RPS6KC1: variants seen among roughly 807,000 people sequenced by gnomAD.
RPS6KC1 encodes the protein ribosomal protein S6 kinase C1.
In RPS6KC1, 54 loss-of-function variants were observed where a neutral mutation model predicts 103.8. That is an observed-to-expected ratio of 0.52 (90% CI 0.42 to 0.65). RPS6KC1 has a LOEUF of 0.65. Among genes scored for constraint, RPS6KC1 ranks in the 30% least tolerant of loss-of-function variants. RPS6KC1 has a pLI of 0.00. For missense variants in RPS6KC1, 1,151 were observed against 1,253.8 expected (o/e 0.92, Z 1.24); for synonymous variants, 439 against 438.7 (o/e 1.00, Z -0.01).
chr1:213,764,958 G>A, the RPS6KC1 span, among the ~76,000 whole-genome samples: 1 of 152,186 alleles, frequency 6.6e-6, no homozygotes, highest in Non-Finnish European at 1.5e-5. Flanking sequence ...GGGGGCAGGG[G>A]TGGGGTGTCT....
chr1:213,412,604 G>C, the RPS6KC1 span, among the ~76,000 whole-genome samples: 72 of 152,374 alleles, frequency 4.7e-4, no homozygotes, highest in African/African-American at 1.6e-3. Context: ...TTGATGCACA[G>C]GCAAGTGATG....
the RPS6KC1 span, among the ~76,000 whole-genome samples, chr1:213,414,237 T>C: frequency 7.2e-6 from 1 of 138,930 alleles, no homozygotes; most frequent in Non-Finnish European, 1.6e-5. Flanking sequence ...ACCAAGTTCA[T>C]CTCTTGCTGT....
At chr1:213,752,462 C>T in the RPS6KC1 span, among the ~76,000 whole-genome samples, 6 of 152,154 alleles carry the variant, frequency 3.9e-5, no homozygotes, top group African/African-American at 1.2e-4. Flanking sequence ...TTAACCTAGT[C>T]ATAAACTAAC....
At chr1:213,333,522 T>G in the RPS6KC1 span, among the ~76,000 whole-genome samples, 1 of 152,204 alleles carries the variant, frequency 6.6e-6, no homozygotes, top group African/African-American at 2.4e-5. Flanking sequence ...TGCGAGGTGC[T>G]CAGGGTCAGG....
the RPS6KC1 span, among the ~76,000 whole-genome samples, chr1:213,493,312 A>G: frequency 1.3e-5 from 2 of 152,220 alleles, no homozygotes; most frequent in African/African-American, 4.8e-5. Context: ...TGAGCTTTCT[A>G]TATTGGCCAA....
chr1:213,515,012 CTG>C, the RPS6KC1 span, among the ~76,000 whole-genome samples: 275 of 152,288 alleles, frequency 1.8e-3, 2 homozygotes, highest in African/African-American at 6.2e-3. Context: ...TGTCTTTTGG[CTG>C]CATAAATGTC....
At chr1:213,152,544 C>T (rs1210185271) in intron 6 of RPS6KC1, among the ~76,000 whole-genome samples, 1 of 149,652 alleles carries the variant, frequency 6.7e-6, no homozygotes, top group Non-Finnish European at 1.5e-5. Context: ...GGTAGAGATG[C>T]TCCTCACCTC....
chr1:213,284,999 T>C, the RPS6KC1 span, among the ~76,000 whole-genome samples: 1 of 152,230 alleles, frequency 6.6e-6, no homozygotes, highest in Admixed American at 6.5e-5. Flanking sequence ...GCACATGTGG[T>C]TATCAACATG....
the RPS6KC1 span, among the ~76,000 whole-genome samples, chr1:213,461,793 C>T: frequency 4.6e-5 from 7 of 152,198 alleles, no homozygotes; most frequent in South Asian, 4.1e-4. Context: ...AAGACTTAAA[C>T]GTAAGACCTG....
chr1:213,465,345 A>AT, the RPS6KC1 span, among the ~76,000 whole-genome samples: 1 of 152,114 alleles, frequency 6.6e-6, no homozygotes, highest in African/African-American at 2.4e-5. Flanking sequence ...ATTAGTGAAC[A>AT]TTTTTTCTGC....
chr1:213,572,777 G>C, the RPS6KC1 span, among the ~76,000 whole-genome samples: 2 of 152,154 alleles, frequency 1.3e-5, no homozygotes, highest in Non-Finnish European at 2.9e-5. Flanking sequence ...AGCATATACT[G>C]TTAATTTCTT....
chr1:213,263,531 T>C (rs993010519), intron 14 of RPS6KC1, among the ~76,000 whole-genome samples: 2 of 152,176 alleles, frequency 1.3e-5, no homozygotes, highest in Admixed American at 1.3e-4. Context: ...GGGATCCTTA[T>C]GCTTTTATGA....
chr1:213,704,037 T>C, the RPS6KC1 span, among the ~76,000 whole-genome samples: 1 of 152,178 alleles, frequency 6.6e-6, no homozygotes, highest in Non-Finnish European at 1.5e-5. Context: ...TCTGTATATT[T>C]TCAAATAGCC....
chr1:213,715,326 C>A, the RPS6KC1 span, among the ~76,000 whole-genome samples: 1 of 152,212 alleles, frequency 6.6e-6, no homozygotes, highest in Non-Finnish European at 1.5e-5. Context: ...GCTGACTGTG[C>A]ACTTGTATAT....
At chr1:213,534,756 C>T in the RPS6KC1 span, among the ~76,000 whole-genome samples, 322 of 152,278 alleles carry the variant, frequency 2.1e-3, 1 homozygote, top group African/African-American at 7.4e-3. Context: ...GTTGAGCAGT[C>T]AAAAATAAGT....
the RPS6KC1 span, among the ~76,000 whole-genome samples, chr1:213,512,045 T>C: frequency 6.6e-6 from 1 of 152,172 alleles, no homozygotes; most frequent in African/African-American, 2.4e-5. Context: ...GACGAGATAG[T>C]GATAGTGATA....
the RPS6KC1 span, among the ~76,000 whole-genome samples, chr1:213,658,366 T>C: frequency 6.6e-6 from 1 of 152,134 alleles, no homozygotes; most frequent in Non-Finnish European, 1.5e-5. Context: ...TCAAGCACTT[T>C]TGCCCTCCTC....
rs1027532498 is a variant in RPS6KC1 at position 213,228,088 on chromosome 1, G to T, written c.1045-2409G>T. ...TGGGAGACAGACCCCCAAATCGAAG[G>T]GTTAGAGATTCTATAATAGATGTTG... is the stretch of plus-strand genomic sequence containing the variant. On this transcript the variant is annotated intron_variant, in intron 8 of 14. Coordinates refer to ENST00000366960, the MANE Select transcript of RPS6KC1 (RefSeq NM_012424.6). Among the ~76,000 whole-genome samples the T allele has an allele frequency of 6.6e-5, 10 of 152,238 alleles. No homozygotes were observed. In the East Asian group the frequency reaches 1.7e-3, roughly 26 times the overall value.
the RPS6KC1 span, among the ~76,000 whole-genome samples, chr1:213,483,671 T>C: frequency 2.0e-5 from 3 of 152,248 alleles, no homozygotes; most frequent in African/African-American, 7.2e-5. Flanking sequence ...ATGTAAGTTG[T>C]AGGCTATCAG....
Sources: allele counts gnomAD v4.1 joint callset (sites outside exome capture counted in the v4.1 genomes callset), GRCh38; gene constraint gnomAD v4.1.1; transcripts MANE v1.5; gene names NCBI Gene and HGNC (gene_info 2026-07-23, HGNC 2026-07-21).